The following SHANK1 variants were observed in gnomAD, a reference collection of about 807,000 sequenced individuals.
The protein encoded by SHANK1 is SH3 and multiple ankyrin repeat domains 1, also known as SH3 and multiple ankyrin repeat domains protein 1.
Under a neutral mutation model 165.6 loss-of-function variants are expected in SHANK1, and 35 were observed. That is an observed-to-expected ratio of 0.21 (90% CI 0.16 to 0.28). The LOEUF is 0.28. Among genes scored for constraint, SHANK1 ranks in the 10% least tolerant of loss-of-function variants. The probability of loss-of-function intolerance (pLI) is 1.00; values close to 1 mark genes in which losing one functional copy is unlikely to be tolerated. For synonymous variants in SHANK1, 1,428 were observed against 1,384.8 expected, an observed-to-expected ratio of 1.03 and a Z score of -0.69; for missense variants, 2,681 against 3,036.4, an observed-to-expected ratio of 0.88 and a Z score of 2.75.
At chr19:50,684,610 C>T (rs965582142) in intron 21 of SHANK1, among the ~76,000 whole-genome samples, 3 of 151,964 alleles carry the variant, frequency 2.0e-5, no homozygotes, top group African/African-American at 2.4e-5. Flanking sequence ...TGCACTTGTA[C>T]AGGAAAAAAA....
chr19:50,688,841 G>A lies in SHANK1; in HGVS notation c.2172+3C>T. The stretch of plus-strand genomic sequence containing the variant: ...CCAGGGAAGAGAGGGGGCCTGGACT[G>A]ACCTCGATGAGGAAGTCTCCCATTC... On this transcript the variant is annotated splice_donor_region_variant and intron_variant, in intron 17 of 23. Transcript: ENST00000293441. The surrounding 1 kb of genome is among the most constrained non-coding windows in gnomAD (Gnocchi z 6.7). 6.2e-7 allele frequency: 1 copy of A among 1,607,038 alleles called. No individual in the cohort carries two copies. The highest frequency in any genetic ancestry group is 1.3e-5 in the African/African-American group (1 of 74,924).
At chr19:50,663,442 C>A (rs998417453) in intron 23 of SHANK1, among the ~76,000 whole-genome samples, 25 of 152,196 alleles carry the variant, frequency 1.6e-4, no homozygotes, top group African/African-American at 6.0e-4. Context: ...CCCTGGGCAG[C>A]TGCTCCCTCT....
At position 50,669,059 on chromosome 19, in the gene SHANK1, A is replaced by C; in HGVS notation, c.2901T>G (p.Pro967=). The C allele has an allele frequency of 1.2e-6, 1 of 847,616 alleles. No homozygotes were observed. The highest frequency in any genetic ancestry group is 1.7e-6 in the Non-Finnish European group (1 of 605,732). The allele number at this position is 847,616 out of a possible 1,614,324, so 52.5% of individuals were successfully genotyped here. ...GAGGGGAGGGCCCGTCAAAGGATGC[A>C]GGGGAGGAGGCGGGGAGGGGGCCAC... The part of the protein sequence containing the change: ...GSGGPLPASS[P]ASFDGPSPPD... The change falls in exon 23 of 24, where the codon CCT becomes CCG. Residue 967 remains proline, a synonymous_variant. Coordinates refer to ENST00000293441, the MANE Select transcript of SHANK1 (RefSeq NM_016148.5).
At position 50,686,505 on chromosome 19, in the gene SHANK1, G is replaced by T; in HGVS notation, c.2459-150C>A. 1.4e-6 allele frequency: 1 copy of T among 724,376 alleles called. No homozygotes were observed. The highest frequency in any genetic ancestry group is 2.3e-6 in the Non-Finnish European group (1 of 433,370). The allele number at this position is 724,376 out of a possible 1,614,324, so 44.9% of individuals were successfully genotyped here. The stretch of plus-strand genomic sequence containing the variant: ...GCCCTGCCTGGGTCCGGGTGGACGG[G>T]CAGTCCCGCTTGGAGACACAATCTC... On this transcript the variant is annotated intron_variant, in intron 20 of 23. Coordinates refer to ENST00000293441, the MANE Select transcript of SHANK1 (RefSeq NM_016148.5). This position sits in a 1 kb window ranked among gnomAD's most constrained non-coding sequence, Gnocchi z 5.7.
chr19:50,661,930 T>G lies in SHANK1; in HGVS notation c.*35A>C. 1.1e-5 allele frequency: 17 copies of G among 1,611,100 alleles called. No homozygotes were observed. The highest frequency in any genetic ancestry group is 1.4e-5 in the Non-Finnish European group (17 of 1,178,458). On this transcript the variant is annotated 3_prime_UTR_variant, in exon 24 of 24. Transcript: ENST00000293441. ...GTCAAGAGGCCAGCAGGCTCAAGAG[T>G]TCTGTGGACGGGGCTGGTCCGTCCA...
intron 8 of SHANK1, among the ~76,000 whole-genome samples, chr19:50,710,175 C>T (rs1049558666): frequency 6.6e-6 from 1 of 152,146 alleles, no homozygotes; most frequent in Non-Finnish European, 1.5e-5. Context: ...AGGCCTGTGT[C>T]GCAGAGCAGG....
Position 50,668,834 on chromosome 19 carries a change from C to T in SHANK1, c.3126G>A (p.Gly1042=), listed in dbSNP as rs1985677064. ...TCCAGCCTCGCAGGCTGGGCTGGGG[C>T]CCCAGAGCCAGGCGGGGTGGAGGGT... ...PDDPPPRLAL[G]PQPSLRGWRG... is the part of the protein sequence containing the mutation. Residue 1042 remains glycine, a synonymous_variant, in exon 23 of 24, where the codon GGG becomes GGA. Transcript: ENST00000293441. The T allele has an allele frequency of 7.8e-7, 1 of 1,276,536 alleles. No homozygotes were observed. The highest frequency in any genetic ancestry group is 9.8e-7 in the Non-Finnish European group (1 of 1,016,988). The allele number at this position is 1,276,536 out of a possible 1,614,324, so 79.1% of individuals were successfully genotyped here.
chr19:50,685,648 CG>C (rs1239874772), intron 21 of SHANK1, among the ~76,000 whole-genome samples: 21 of 152,030 alleles, frequency 1.4e-4, no homozygotes, highest in Admixed American at 1.3e-3. Flanking sequence ...CGCTTGAACC[CG>C]GGGGGCAGAG....
intron 9 of SHANK1, 47 bp from the exon 10 acceptor site, chr19:50,704,233 CAG>C (rs766554485): frequency 6.3e-7 from 1 of 1,579,468 alleles, no homozygotes. Context: ...GCCCAGGCAG[CAG>C]AGAGAGGGCA....
At chr19:50,689,589 G>A (rs1986479164) in intron 15 of SHANK1, among the ~76,000 whole-genome samples, 1 of 152,124 alleles carries the variant, frequency 6.6e-6, no homozygotes, top group Admixed American at 6.5e-5. Flanking sequence ...CAGATTACCA[G>A]ACAGCCAGGC....
chr19:50,713,222 G>C lies in SHANK1; in HGVS notation c.792+576C>G, dbSNP rs947685585. ...TCAGGTGTCCTGGCGGGGGCAGGGG[G>C]AGAAGAGTATTTTAAAATTAGACTG... On this transcript the variant is annotated intron_variant, in intron 6 of 23. Coordinates refer to ENST00000293441, the MANE Select transcript of SHANK1 (RefSeq NM_016148.5). This position sits in a 1 kb window ranked among gnomAD's most constrained non-coding sequence, Gnocchi z 6.2. 6.6e-6 allele frequency among the ~76,000 whole-genome samples: 1 copy of C among 152,188 alleles called. No individual in the cohort carries two copies. Among genetic ancestry groups the C allele is most frequent in the Non-Finnish European group, 1.5e-5 (1 of 68,034 alleles).
chr19:50,665,992 C>T (rs1349277570), intron 23 of SHANK1, among the ~76,000 whole-genome samples, 200 bp downstream of exon 23: 2 of 140,392 alleles, frequency 1.4e-5, no homozygotes, highest in Non-Finnish European at 3.1e-5. Context: ...GCCTGGGCAA[C>T]AAGAGTGAAA....
chr19:50,672,483 G>C (rs1482646664), intron 21 of SHANK1, among the ~76,000 whole-genome samples: 2 of 147,520 alleles, frequency 1.4e-5, no homozygotes, highest in Admixed American at 6.8e-5. Flanking sequence ...ATGAGGTGGA[G>C]AGGTGGAGGC....
chr19:50,712,996 G>A (rs946589983), intron 6 of SHANK1, among the ~76,000 whole-genome samples: 2 of 152,184 alleles, frequency 1.3e-5, no homozygotes, highest in African/African-American at 2.4e-5. Flanking sequence ...GTGTGCATGG[G>A]AGATACATGA....
At chr19:50,664,869 C>T (rs1342287018) in intron 23 of SHANK1, among the ~76,000 whole-genome samples, 2 of 152,198 alleles carry the variant, frequency 1.3e-5, no homozygotes, top group Non-Finnish European at 2.9e-5. Context: ...ATTCTCCTGC[C>T]TCAGCCTACT....
chr19:50,667,632 G>A lies in SHANK1; in HGVS notation c.4328C>T (p.Ser1443Phe). ...GGTGGGCGGCAGGCGGTGTAGCAGG[G>A]AACGCCGGGCGGCGGGCGGGCTGGC... ...LPASPPAARR[S>F]LLHRLPPTAP... The change falls in exon 23 of 24, where the codon TCC (serine) becomes TTC (phenylalanine). Residue 1443 changes from serine to phenylalanine, a missense_variant. By Grantham distance (155) the Ser-to-Phe change is radical. This residue lies in a region of SHANK1 where 1,713 missense variants were observed against 1,630.2 expected (regional missense o/e 1.05). Coordinates refer to ENST00000293441, the MANE Select transcript of SHANK1 (RefSeq NM_016148.5). This position sits in a 1 kb window ranked among gnomAD's most constrained non-coding sequence, Gnocchi z 5.7. 1 of 1,423,796 alleles carries A rather than the reference G, an allele frequency of 7.0e-7. No individual in the cohort carries two copies. Among genetic ancestry groups the A allele is most frequent in the African/African-American group, 1.5e-5 (1 of 66,698 alleles). The allele number at this position is 1,423,796 out of a possible 1,614,324, so 88.2% of individuals were successfully genotyped here.
At position 50,686,265 on chromosome 19, in the gene SHANK1, T is replaced by A; in HGVS notation, c.2549A>T (p.His850Leu). 1 of 1,605,372 alleles carries A rather than the reference T, an allele frequency of 6.2e-7. No homozygotes were observed. Among genetic ancestry groups the A allele is most frequent in the Non-Finnish European group, 8.5e-7 (1 of 1,175,332 alleles). ...GPGGLASLGK[H>L]RPKGFFATES... ...AGTGGCAAAGAAACCTTTGGGTCGG[T>A]GTTTGCCCAGGGACGCGAGGCCACC... The change falls in exon 21 of 24, where the codon CAC becomes CTC. Residue 850 changes from histidine (H) to leucine (L), a missense_variant. Physicochemically the swap from His to Leu is moderately conservative, Grantham distance 99. Transcript: ENST00000293441. This position sits in a 1 kb window ranked among gnomAD's most constrained non-coding sequence, Gnocchi z 5.7.
chr19:50,671,463 G>A (rs1985789968), intron 22 of SHANK1, among the ~76,000 whole-genome samples: 6 of 149,660 alleles, frequency 4.0e-5, no homozygotes, highest in Admixed American at 2.7e-4. Flanking sequence ...GATTACAGGC[G>A]TGAGCCGCTG....
At chr19:50,704,631 G>T (rs1330382990) in intron 8 of SHANK1, 117 bp from the exon 9 acceptor site, 2 of 911,210 alleles carry the variant, frequency 2.2e-6, no homozygotes, top group Non-Finnish European at 3.5e-6. Flanking sequence ...CCCTAAACCC[G>T]CACCACTGAG....
Sources: allele counts gnomAD v4.1 joint callset (sites outside exome capture counted in the v4.1 genomes callset), GRCh38; gene constraint gnomAD v4.1.1; regional missense constraint gnomAD v4.1.1; non-coding constraint Gnocchi (gnomAD v3.1); transcripts MANE v1.5; gene names NCBI Gene and HGNC (gene_info 2026-07-23, HGNC 2026-07-21).